The following CSMD1 variants were observed in gnomAD, a reference collection of about 807,000 sequenced individuals.
The protein encoded by CSMD1 is CUB and Sushi multiple domains 1, also known as CUB and sushi domain-containing protein 1.
A neutral mutation model predicts 417.5 loss-of-function variants in CSMD1; 213 were observed. That is an observed-to-expected ratio of 0.51 (90% confidence interval 0.46 to 0.57). The LOEUF (loss-of-function observed/expected upper bound fraction) is 0.57. CSMD1 is among the 20% of genes least tolerant of loss of function. The probability of loss-of-function intolerance (pLI) is 0.00; values close to 1 mark genes in which losing one functional copy is unlikely to be tolerated. For missense variants in CSMD1, 6,923 were observed against 4,529.7 expected (o/e 1.53, Z -15.17); for synonymous variants, 2,862 against 1,736.8 (o/e 1.65, Z -16.11).
At chr8:3,635,614 GC>G (rs1489828742) in intron 7 of CSMD1, among the ~76,000 whole-genome samples, 1 of 150,876 alleles carries the variant, frequency 6.6e-6, no homozygotes, top group Non-Finnish European at 1.5e-5. Flanking sequence ...CTCCTGAGTA[GC>G]TGGGACTACA....
intron 3 of CSMD1, among the ~76,000 whole-genome samples, chr8:4,203,386 TC>T (rs1206171354): frequency 1.3e-5 from 2 of 152,114 alleles, no homozygotes; most frequent in Non-Finnish European, 2.9e-5. Flanking sequence ...TGAGGTGAGA[TC>T]TTTGTGGTTT....
At chr8:4,168,912 A>C (rs1383985861) in intron 3 of CSMD1, among the ~76,000 whole-genome samples, 1 of 152,172 alleles carries the variant, frequency 6.6e-6, no homozygotes, top group Admixed American at 6.5e-5. Flanking sequence ...CGCCAGTGCC[A>C]GGCCTTGCTC....
chr8:4,739,809 C>G lies in CSMD1; in HGVS notation c.86-102251G>C, dbSNP rs368487413. Among the ~76,000 whole-genome samples, 5 of 152,262 alleles carry G rather than the reference C, an allele frequency of 3.3e-5. No homozygotes were observed. In the East Asian group the frequency reaches 7.8e-4, roughly 24 times the overall value. On this transcript the variant is annotated intron_variant, in intron 1 of 69. Transcript: ENST00000635120. ...TCCTTTTTCTTACCTGCTGCAACAG[C>G]CTCCTTTGTGATCTTTCCATGTCTG...
intron 10 of CSMD1, among the ~76,000 whole-genome samples, chr8:3,545,313 T>G (rs1798612182): frequency 6.6e-6 from 1 of 152,216 alleles, no homozygotes; most frequent in Non-Finnish European, 1.5e-5. Context: ...ATCCCTAGAA[T>G]TCTCTATAGT....
intron 1 of CSMD1, among the ~76,000 whole-genome samples, chr8:4,924,784 A>G (rs372600410): frequency 6.6e-6 from 1 of 151,874 alleles, no homozygotes; most frequent in African/African-American, 2.4e-5. Context: ...AAATCACTCA[A>G]ACTTTTTGAC....
intron 3 of CSMD1, among the ~76,000 whole-genome samples, chr8:4,134,227 C>T (rs192476207): frequency 6.6e-6 from 1 of 152,120 alleles, no homozygotes; most frequent in Non-Finnish European, 1.5e-5. Context: ...AATTGTGTCT[C>T]CCCAGAGTTC....
chr8:4,426,757 A>C (rs1239957564), intron 2 of CSMD1, among the ~76,000 whole-genome samples: 1 of 147,978 alleles, frequency 6.8e-6, no homozygotes, highest in East Asian at 1.9e-4. Flanking sequence ...GTAATATAGT[A>C]ATATTTTATA....
intron 5 of CSMD1, among the ~76,000 whole-genome samples, chr8:3,868,518 C>T (rs147310671): frequency 6.8e-4 from 104 of 152,188 alleles, no homozygotes; most frequent in African/African-American, 2.4e-3. Context: ...ACCAACACCA[C>T]CAATTCCCAA....
At chr8:4,714,471 T>C (rs953830100) in intron 1 of CSMD1, among the ~76,000 whole-genome samples, 12 of 152,330 alleles carry the variant, frequency 7.9e-5, no homozygotes, top group African/African-American at 9.6e-5. Context: ...AGCGCTTTCA[T>C]ATGCTTCATC....
chr8:3,247,990 C>A (rs1446102757), intron 26 of CSMD1, among the ~76,000 whole-genome samples: 1 of 152,186 alleles, frequency 6.6e-6, no homozygotes, highest in African/African-American at 2.4e-5. Context: ...CAATTGTTTA[C>A]TTTCTACATC....
intron 5 of CSMD1, among the ~76,000 whole-genome samples, chr8:3,983,221 C>G (rs901413761): frequency 1.1e-4 from 16 of 150,608 alleles, no homozygotes; most frequent in African/African-American, 3.7e-4. Context: ...AGCTCCACCT[C>G]CCGGGTTCAC....
chr8:4,979,803 T>A (rs1411288843), intron 1 of CSMD1, among the ~76,000 whole-genome samples: 1 of 152,066 alleles, frequency 6.6e-6, no homozygotes. Context: ...TTTGGGAGGC[T>A]GAAGCGGGTG....
At chr8:4,069,449 A>G (rs2552114) in intron 3 of CSMD1, among the ~76,000 whole-genome samples, 18,014 of 152,242 alleles carry the variant, frequency 0.12, 1,364 homozygotes, top group South Asian at 0.37. Flanking sequence ...AAGGAAATAC[A>G]GTTTTGTCTT....
chr8:3,047,757 G>A lies in CSMD1; in HGVS notation c.7660+4705C>T, dbSNP rs148120073. Among the ~76,000 whole-genome samples the A allele has an allele frequency of 5.6e-3, 845 of 152,048 alleles. 12 individuals are homozygous for A. Among genetic ancestry groups the A allele is most frequent in the African/African-American group, 0.019 (788 of 41,500 alleles). ...GTTATGTAATGCCAATCCCTTTTTT[G>A]GCAGATATAAACTACTTGCATGGAC... is the stretch of plus-strand genomic sequence containing the variant. On this transcript the variant is annotated intron_variant, in intron 50 of 69. Coordinates refer to ENST00000635120, the MANE Select transcript of CSMD1 (RefSeq NM_033225.6).
intron 49 of CSMD1, among the ~76,000 whole-genome samples, chr8:3,056,263 G>C: frequency 6.6e-6 from 1 of 152,194 alleles, no homozygotes; most frequent in East Asian, 1.9e-4. Flanking sequence ...AGTGTTGTCT[G>C]AACCTTTAAT....
intron 2 of CSMD1, among the ~76,000 whole-genome samples, chr8:4,471,775 G>C (rs376632755): frequency 2.6e-5 from 4 of 152,238 alleles, no homozygotes; most frequent in South Asian, 2.1e-4. Context: ...TCACAAAGGA[G>C]ACTGAGGAGC....
At chr8:3,575,188 T>C in intron 9 of CSMD1, 122 bp from the exon 10 acceptor site, 1 of 723,750 alleles carries the variant, frequency 1.4e-6, no homozygotes, top group Non-Finnish European at 2.1e-6. Flanking sequence ...AAAAAAAAAA[T>C]GGTGCATGGA....
intron 16 of CSMD1, among the ~76,000 whole-genome samples, chr8:3,396,596 T>C (rs1035617619): frequency 6.6e-6 from 1 of 152,198 alleles, no homozygotes; most frequent in Non-Finnish European, 1.5e-5. Context: ...TCTTATCTAA[T>C]ATTCTGTCTT....
intron 3 of CSMD1, among the ~76,000 whole-genome samples, chr8:4,386,388 G>C (rs7846073): frequency 0.36 from 50,136 of 138,018 alleles, 10,642 homozygotes; most frequent in African/African-American, 0.63. Flanking sequence ...ATTCTCCTAA[G>C]TTCCATCCCC....
Sources: gnomAD v4.1 joint callset for allele counts (sites outside exome capture counted in the v4.1 genomes callset) on GRCh38, gnomAD v4.1.1 for gene constraint, MANE v1.5 for transcripts, NCBI Gene and HGNC (gene_info 2026-07-23, HGNC 2026-07-21) for gene names.